Variants in SLC41A2 observed in about 807,000 individuals in gnomAD.
SLC41A2 encodes SLC41A1-like 1.
A neutral mutation model predicts 58.3 loss-of-function variants in SLC41A2; 32 were observed. That is an observed-to-expected ratio of 0.55 (90% CI 0.41 to 0.74). The LOEUF (loss-of-function observed/expected upper bound fraction) is 0.74. Among genes scored for constraint, SLC41A2 ranks in the 30% least tolerant of loss-of-function variants. The pLI, the probability that SLC41A2 is intolerant of heterozygous loss-of-function variation, is 0.00. For missense variants in SLC41A2, 514 were observed against 680.6 expected, an observed-to-expected ratio of 0.76 and a Z score of 2.72; for synonymous variants, 190 against 235.0, an observed-to-expected ratio of 0.81 and a Z score of 1.75.
At chr12:104,882,618 C>T (rs1422929528) in intron 6 of SLC41A2, among the ~76,000 whole-genome samples, 1 of 151,460 alleles carries the variant, frequency 6.6e-6, no homozygotes, top group East Asian at 1.9e-4. Flanking sequence ...GTTGAAAATT[C>T]TTTTCTTTAA....
At chr12:104,881,758 G>C (rs1383489571) in intron 6 of SLC41A2, among the ~76,000 whole-genome samples, 1 of 152,208 alleles carries the variant, frequency 6.6e-6, no homozygotes, top group Non-Finnish European at 1.5e-5. Flanking sequence ...TTTGGAATAA[G>C]TGCAATGTGG....
At position 104,853,911 on chromosome 12, in the gene SLC41A2, A is replaced by ATTATTATTATTTTTTTTTTTT; in HGVS notation, c.1255+7379_1255+7380insAAAAAAAAAAAATAATAATAA. Among the ~76,000 whole-genome samples, 275 of 59,442 alleles carry ATTATTATTATTTTTTTTTTTT rather than the reference A, an allele frequency of 4.6e-3. 12 individuals carry two copies. Among genetic ancestry groups the ATTATTATTATTTTTTTTTTTT allele is most frequent in the Non-Finnish European group, 5.9e-3 (184 of 31,442 alleles). 39.0% of individuals were successfully genotyped at this position (59,442 alleles called of 152,430 possible). A position where few individuals can be genotyped will look rare whatever the true frequency, so the allele number is the denominator to read the frequency against. On this transcript the variant is annotated intron_variant, in intron 8 of 10. Coordinates refer to ENST00000258538, the MANE Select transcript of SLC41A2 (RefSeq NM_001352171.3). ...GGGTGCATGTCACCATGCCTGGCTG[A>ATTATTATTATTTTTTTTTTTT]TTTTTTTTTTTTTTTTTTTTTTTTT...
At chr12:104,812,975 T>G (rs1166135637) in intron 10 of SLC41A2, among the ~76,000 whole-genome samples, 2 of 152,084 alleles carry the variant, frequency 1.3e-5, no homozygotes, top group East Asian at 3.9e-4. Context: ...GGTCAGGAGT[T>G]TGAGACCAGC....
intron 10 of SLC41A2, among the ~76,000 whole-genome samples, chr12:104,824,126 G>C (rs1260033225): frequency 6.6e-6 from 1 of 152,094 alleles, no homozygotes; most frequent in Non-Finnish European, 1.5e-5. Flanking sequence ...CTTGGCTAGG[G>C]CTCCACCCCC....
chr12:104,833,243 C>T lies in SLC41A2; in HGVS notation c.1536+11229G>A, dbSNP rs562088003. On this transcript the variant is annotated intron_variant, in intron 10 of 10. Coordinates refer to ENST00000258538, the MANE Select transcript of SLC41A2 (RefSeq NM_001352171.3). ...CAATAAACTTGCCTCATTGAACATG[C>T]TTTAGAAGCTAGCCAATCAATGATA... Among the ~76,000 whole-genome samples, 10 of 152,304 alleles carry T rather than the reference C, an allele frequency of 6.6e-5. No individual in the cohort carries two copies. The South Asian group carries it at 1.9e-3, about 28-fold the overall frequency.
intron 8 of SLC41A2, among the ~76,000 whole-genome samples, chr12:104,852,840 T>C (rs938268226): frequency 3.3e-5 from 5 of 152,180 alleles, no homozygotes; most frequent in Admixed American, 1.3e-4. Flanking sequence ...TAGTTTTCTT[T>C]AATGTCAAAA....
Position 104,803,381 on chromosome 12 carries a change from C to A in SLC41A2, c.*1771G>T, listed in dbSNP as rs956054529. On this transcript the variant is annotated 3_prime_UTR_variant, in exon 11 of 11. Transcript: ENST00000258538. The stretch of plus-strand genomic sequence containing the variant: ...GAGAAATTCTATAATTAGTTCAGTT[C>A]TCTGCCTTAAAAGTTTTATTATAAG... The A allele has an allele frequency of 6.6e-6, 1 of 151,980 alleles. No homozygotes were observed. The highest frequency in any genetic ancestry group is 2.1e-4 in the South Asian group (1 of 4,820). 9.4% of individuals were successfully genotyped at this position (151,980 alleles called of 1,614,324 possible).
At position 104,922,762 on chromosome 12, in the gene SLC41A2, T is replaced by C. The variant is rs79900769; in HGVS notation, c.555+5211A>G. On this transcript the variant is annotated intron_variant, in intron 2 of 10. Coordinates refer to ENST00000258538, the MANE Select transcript of SLC41A2 (RefSeq NM_001352171.3). ...CAGCACGCAGAACATTCTACCAGAA[T>C]AGATTATATCTTAAGCCACAAAATA... Among the ~76,000 whole-genome samples the C allele has an allele frequency of 8.2e-3, 1,250 of 152,296 alleles. 32 individuals are homozygous for C. The East Asian group carries it at 0.11, about 13-fold the overall frequency.
intron 5 of SLC41A2, among the ~76,000 whole-genome samples, chr12:104,888,699 G>C (rs1278040154): frequency 6.6e-6 from 1 of 152,096 alleles, no homozygotes; most frequent in Non-Finnish European, 1.5e-5. Context: ...TGACAAGCTA[G>C]TAAATCCCCT....
chr12:104,872,222 C>G (rs551323091), intron 6 of SLC41A2, among the ~76,000 whole-genome samples: 2 of 152,048 alleles, frequency 1.3e-5, no homozygotes, highest in Admixed American at 1.3e-4. Context: ...CAACTGACTC[C>G]GCGAGGCCTA....
At chr12:104,827,097 G>A (rs370782175) in intron 10 of SLC41A2, among the ~76,000 whole-genome samples, 1 of 152,178 alleles carries the variant, frequency 6.6e-6, no homozygotes, top group Non-Finnish European at 1.5e-5. Context: ...GTCCATGATC[G>A]ATCAGGGATT....
At chr12:104,850,117 A>C (rs921812548) in intron 8 of SLC41A2, among the ~76,000 whole-genome samples, 6 of 152,196 alleles carry the variant, frequency 3.9e-5, no homozygotes, top group African/African-American at 1.4e-4. Flanking sequence ...AGCTTTGATG[A>C]TATCACAGAG....
chr12:104,949,551 T>C (rs191728899), intron 1 of SLC41A2, among the ~76,000 whole-genome samples: 2 of 152,272 alleles, frequency 1.3e-5, no homozygotes, highest in African/African-American at 2.4e-5. Flanking sequence ...CAACTACAAG[T>C]TGAAAGGAGG....
chr12:104,866,627 C>T (rs1188954181), intron 6 of SLC41A2, 48 bp from the exon 7 acceptor site: 5 of 1,446,210 alleles, frequency 3.5e-6, no homozygotes, highest in African/African-American at 1.4e-5. Context: ...TTAAATCTCT[C>T]TTCTATGTAG....
At chr12:104,859,766 T>C (rs1041771811) in intron 8 of SLC41A2, among the ~76,000 whole-genome samples, 1 of 152,128 alleles carries the variant, frequency 6.6e-6, no homozygotes, top group Non-Finnish European at 1.5e-5. Context: ...AAGGTCTTGC[T>C]CTGTTGCCCA....
rs564189200 is a variant in SLC41A2, at chr12:104,853,886, G to C, written c.1255+7405C>G. On this transcript the variant is annotated intron_variant, in intron 8 of 10. Coordinates refer to ENST00000258538, the MANE Select transcript of SLC41A2 (RefSeq NM_001352171.3). ...AGCCTCCCAAGTAGATAGGACTTAC[G>C]GGTGCATGTCACCATGCCTGGCTGA... Among the ~76,000 whole-genome samples, 84 of 141,178 alleles carry C rather than the reference G, an allele frequency of 5.9e-4. 1 individual carries two copies. Among genetic ancestry groups the C allele is most frequent in the Non-Finnish European group, 1.2e-3 (79 of 65,282 alleles). 92.6% of individuals were successfully genotyped at this position (141,178 alleles called of 152,430 possible).
intron 6 of SLC41A2, among the ~76,000 whole-genome samples, chr12:104,878,661 C>T (rs912462392): frequency 5.3e-5 from 8 of 152,140 alleles, no homozygotes; most frequent in African/African-American, 1.9e-4. Context: ...TTTATGGCTG[C>T]ATAGTATTCC....
chr12:104,842,436 T>G (rs1287655200), intron 10 of SLC41A2, among the ~76,000 whole-genome samples: 2 of 152,090 alleles, frequency 1.3e-5, no homozygotes, highest in African/African-American at 4.8e-5. Context: ...ATAAGAAAAT[T>G]CAATCAACAG....
Position 104,909,755 on chromosome 12 carries a change from TC to T in SLC41A2, c.562del (p.Glu188ArgfsTer12). ...GMVLDIVQHW[E>X]VFRKVTEVFI... ...AACTTCTGTAACTTTTCTGAACACC[TC>T]CCAGTGCTGTAAGAAAAAAAATAAA... On this transcript the variant is annotated frameshift_variant, in exon 3 of 11. Transcript: ENST00000258538. LOFTEE classifies it high-confidence loss of function. 2 of 1,579,904 alleles carry T rather than the reference TC, an allele frequency of 1.3e-6. No homozygotes were observed. Among genetic ancestry groups the T allele is most frequent in the Non-Finnish European group, 8.6e-7 (1 of 1,168,214 alleles).
Sources: gnomAD v4.1 joint callset for allele counts (sites outside exome capture counted in the v4.1 genomes callset) on GRCh38, gnomAD v4.1.1 for gene constraint, MANE v1.5 for transcripts, NCBI Gene and HGNC (gene_info 2026-07-23, HGNC 2026-07-21) for gene names.